Variants in KCND2 observed in about 807,000 individuals in gnomAD.
KCND2 encodes the protein A-type voltage-gated potassium channel KCND2.
KCND2 carries 16 observed loss-of-function variants against 54.4 expected under a neutral mutation model. The observed-to-expected ratio is 0.29, with a 90% confidence interval of 0.20 to 0.45. The LOEUF (loss-of-function observed/expected upper bound fraction) is 0.45. Among genes scored for constraint, KCND2 ranks in the 20% least tolerant of loss-of-function variants. The pLI is 1.00. For missense variants in KCND2, 486 were observed against 824.2 expected (o/e 0.59, Z 5.02); for synonymous variants, 317 against 310.7 (o/e 1.02, Z -0.21).
intron 1 of KCND2, among the ~76,000 whole-genome samples, chr7:120,351,166 ACTT>A (rs1800393926): frequency 6.7e-6 from 1 of 149,532 alleles, no homozygotes; most frequent in Non-Finnish European, 1.5e-5. Context: ...TATATATTAA[ACTT>A]CATTTTATAT....
intron 1 of KCND2, among the ~76,000 whole-genome samples, chr7:120,358,693 T>C (rs779831642): frequency 6.6e-6 from 1 of 152,162 alleles, no homozygotes; most frequent in Non-Finnish European, 1.5e-5. Context: ...GTGAATGCAG[T>C]TGTTTTGTTA....
intron 1 of KCND2, among the ~76,000 whole-genome samples, chr7:120,280,113 T>C (rs1799240064): frequency 6.6e-6 from 1 of 152,068 alleles, no homozygotes; most frequent in Non-Finnish European, 1.5e-5. Flanking sequence ...AGTGCCATAA[T>C]ATGAGTAACA....
At chr7:120,473,872 C>A (rs919665458) in intron 1 of KCND2, among the ~76,000 whole-genome samples, 2 of 152,164 alleles carry the variant, frequency 1.3e-5, no homozygotes, top group Non-Finnish European at 2.9e-5. Flanking sequence ...AAGGAGGTTT[C>A]TGTGGCCAGG....
chr7:120,732,912 C>T lies in KCND2; in HGVS notation c.1125C>T (p.Asp375=). The T allele has an allele frequency of 6.2e-7, 1 of 1,613,082 alleles. No homozygotes were observed. Among genetic ancestry groups the T allele is most frequent in the Non-Finnish European group, 8.5e-7 (1 of 1,179,304 alleles). The change falls in exon 2 of 6, where the codon GAC becomes GAT. Residue 375 remains aspartate, a synonymous_variant. Transcript: ENST00000331113. ...IVTMTTLGYG[D]MVPKTIAGKI... ...TTTTTCTTTAACTCAGGTATGGTGA[C>T]ATGGTGCCAAAAACCATAGCAGGGA...
chr7:120,721,944 T>C (rs1792671521), intron 1 of KCND2, among the ~76,000 whole-genome samples: 1 of 152,104 alleles, frequency 6.6e-6, no homozygotes, highest in Admixed American at 6.6e-5. Flanking sequence ...AGCTGATGAT[T>C]TTATAAGGGG....
chr7:120,448,080 G>C (rs1262581672), intron 1 of KCND2, among the ~76,000 whole-genome samples: 1 of 152,156 alleles, frequency 6.6e-6, no homozygotes, highest in Non-Finnish European at 1.5e-5. Context: ...TGCACAACGT[G>C]CAGGTTGGTT....
intron 1 of KCND2, among the ~76,000 whole-genome samples, chr7:120,669,905 C>A (rs531724662): frequency 6.6e-6 from 1 of 152,156 alleles, no homozygotes; most frequent in South Asian, 2.1e-4. Flanking sequence ...CACATTCACT[C>A]TTAATGGAAT....
chr7:120,340,614 A>G (rs1010970929), intron 1 of KCND2, among the ~76,000 whole-genome samples: 3 of 152,228 alleles, frequency 2.0e-5, no homozygotes, highest in Non-Finnish European at 2.9e-5. Context: ...TATCAAGGAC[A>G]ATGGACTTGA....
chr7:120,658,785 A>T lies in KCND2; in HGVS notation c.1116-74118A>T, dbSNP rs1343825503. Among the ~76,000 whole-genome samples, 6 of 152,196 alleles carry T rather than the reference A, an allele frequency of 3.9e-5. No individual in the cohort carries two copies. In the East Asian group the frequency reaches 1.2e-3, roughly 29 times the overall value. ...AATCATCTTACTGCCTTACATCAAAATACTATGTTACATGTCAGTACAATG... is the reference window on the plus strand; with the variant it reads ...AATCATCTTACTGCCTTACATCAAATTACTATGTTACATGTCAGTACAATG... On this transcript the variant is annotated intron_variant, in intron 1 of 5. Coordinates refer to ENST00000331113, the MANE Select transcript of KCND2 (RefSeq NM_012281.3).
intron 1 of KCND2, among the ~76,000 whole-genome samples, chr7:120,339,872 C>T (rs1800216180): frequency 6.6e-6 from 1 of 152,088 alleles, no homozygotes; most frequent in African/African-American, 2.4e-5. Flanking sequence ...AATATCTAAG[C>T]AGATATCTGG....
chr7:120,665,125 T>A (rs1791909506), intron 1 of KCND2, among the ~76,000 whole-genome samples: 1 of 152,096 alleles, frequency 6.6e-6, no homozygotes, highest in East Asian at 1.9e-4. Context: ...ATAAACCTAG[T>A]GACTTCTTGC....
intron 1 of KCND2, among the ~76,000 whole-genome samples, chr7:120,356,263 A>G (rs1383099332): frequency 1.0e-5 from 1 of 96,524 alleles, no homozygotes; most frequent in East Asian, 4.1e-4. Flanking sequence ...CCTGGTGATT[A>G]TATAATTACA....
chr7:120,670,913 C>G (rs1034333112), intron 1 of KCND2, among the ~76,000 whole-genome samples: 3 of 133,726 alleles, frequency 2.2e-5, no homozygotes, highest in African/African-American at 8.3e-5. Context: ...CAGGCTCCGT[C>G]TCAAAAAAAA....
At chr7:120,634,571 C>T (rs1793280663) in intron 1 of KCND2, among the ~76,000 whole-genome samples, 1 of 152,150 alleles carries the variant, frequency 6.6e-6, no homozygotes, top group South Asian at 2.1e-4. Context: ...AAACCTGTTG[C>T]ATGTGCCCTA....
In KCND2 at chr7:120,318,717, T is replaced by C. The variant is rs533758719; in HGVS notation, c.1115+42970T>C. 8.1e-4 allele frequency among the ~76,000 whole-genome samples: 123 copies of C among 152,152 alleles called. 1 individual carries two copies. Among genetic ancestry groups the C allele is most frequent in the Non-Finnish European group, 1.4e-3 (93 of 67,912 alleles). ...GGATTAACTTCCAGGTCTCATGTTATGAAGAAATACCAGGAACGAAATACT... is the reference window on the plus strand; with the variant it reads ...GGATTAACTTCCAGGTCTCATGTTACGAAGAAATACCAGGAACGAAATACT... On this transcript the variant is annotated intron_variant, in intron 1 of 5. Transcript: ENST00000331113.
chr7:120,412,332 A>T (rs1584768172), intron 1 of KCND2, among the ~76,000 whole-genome samples: 1 of 152,026 alleles, frequency 6.6e-6, no homozygotes, highest in Admixed American at 6.6e-5. Context: ...TCTTACTCTT[A>T]AGAGTCTCAG....
At chr7:120,583,513 G>A (rs1792546678) in intron 1 of KCND2, among the ~76,000 whole-genome samples, 1 of 152,116 alleles carries the variant, frequency 6.6e-6, no homozygotes, top group Non-Finnish European at 1.5e-5. Context: ...AGAAAATGCA[G>A]AGAAATTGAG....
intron 1 of KCND2, among the ~76,000 whole-genome samples, chr7:120,433,473 CTG>C (rs1468919118): frequency 6.6e-6 from 1 of 152,196 alleles, no homozygotes; most frequent in Non-Finnish European, 1.5e-5. Context: ...AAGAAACTCA[CTG>C]TAATATGCTT....
intron 1 of KCND2, among the ~76,000 whole-genome samples, chr7:120,670,792 T>C (rs1232894357): frequency 6.6e-6 from 1 of 151,730 alleles, no homozygotes; most frequent in Non-Finnish European, 1.5e-5. Flanking sequence ...GGCGGGTGCC[T>C]GTAGTCCCAG....
Sources: allele counts gnomAD v4.1 joint callset (sites outside exome capture counted in the v4.1 genomes callset), GRCh38; gene constraint gnomAD v4.1.1; transcripts MANE v1.5; gene names NCBI Gene and HGNC (gene_info 2026-07-23, HGNC 2026-07-21).